ROPN1L: variants seen among roughly 807,000 people sequenced by gnomAD.
ROPN1L encodes ropporin-1-like protein.
In ROPN1L, 23 loss-of-function variants were observed where a neutral mutation model predicts 22.7. The observed-to-expected ratio is 1.01, with a 90% CI of 0.73 to 1.43. ROPN1L has a LOEUF of 1.43. ROPN1L is among the 40% of genes most tolerant of loss of function. The pLI is 0.00. For synonymous variants in ROPN1L, 116 were observed against 117.8 expected (o/e 0.98, Z 0.10); for missense variants, 271 against 291.5 (o/e 0.93, Z 0.51).
At chr5:10,478,600 G>A in the ROPN1L span, among the ~76,000 whole-genome samples, 6 of 152,202 alleles carry the variant, frequency 3.9e-5, no homozygotes, top group Non-Finnish European at 5.9e-5. Context: ...TTCTCTGTGC[G>A]TACGACTGTG....
the ROPN1L span, among the ~76,000 whole-genome samples, chr5:10,480,264 A>G: frequency 6.6e-6 from 1 of 152,156 alleles, no homozygotes; most frequent in Non-Finnish European, 1.5e-5. Flanking sequence ...TTTTTTCATT[A>G]ATTCGAAAAG....
intron 1 of ROPN1L, among the ~76,000 whole-genome samples, chr5:10,444,608 G>A (rs1046762408): frequency 2.0e-5 from 3 of 151,722 alleles, no homozygotes; most frequent in African/African-American, 7.3e-5. Context: ...CACTTTAAGA[G>A]GCTTAATCAG....
At chr5:10,464,430 G>A (rs899673745) in intron 4 of ROPN1L, among the ~76,000 whole-genome samples, 5 of 152,226 alleles carry the variant, frequency 3.3e-5, no homozygotes, top group South Asian at 2.1e-4. Flanking sequence ...CCCGATCCGC[G>A]CACCTCTTCT....
chr5:10,466,627 C>A (rs1415619274), downstream of ROPN1L, among the ~76,000 whole-genome samples: 2 of 152,080 alleles, frequency 1.3e-5, no homozygotes, highest in Non-Finnish European at 2.9e-5. Context: ...AGTGTGGAGA[C>A]GCGCGGCAGC....
At chr5:10,458,901 A>G (rs1193554714) in intron 3 of ROPN1L, among the ~76,000 whole-genome samples, 15 of 45,554 alleles carry the variant, frequency 3.3e-4, no homozygotes, top group African/African-American at 1.3e-3. Flanking sequence ...CGTGTACACC[A>G]TCCGCCTGTA....
downstream of ROPN1L, among the ~76,000 whole-genome samples, chr5:10,465,514 C>CAAA (rs149350040): frequency 4.4e-5 from 6 of 137,260 alleles, no homozygotes; most frequent in African/African-American, 1.1e-4. Flanking sequence ...GACTCCGTCT[C>CAAA]AAAAAAAAAC....
chr5:10,454,734 G>A (rs368387273), intron 3 of ROPN1L, among the ~76,000 whole-genome samples: 4 of 152,210 alleles, frequency 2.6e-5, no homozygotes, highest in Non-Finnish European at 4.4e-5. Flanking sequence ...CACGGTGCAC[G>A]CAGTGGGCAT....
At chr5:10,458,955 C>G (rs1369078145) in intron 3 of ROPN1L, among the ~76,000 whole-genome samples, 4 of 131,032 alleles carry the variant, frequency 3.1e-5, no homozygotes, top group Non-Finnish European at 5.0e-5. Flanking sequence ...CCGTGTACAC[C>G]ACCCCACCTG....
chr5:10,471,711 T>G (rs1326577422), intron 4 of ROPN1L: 1 of 152,366 alleles, frequency 6.6e-6, no homozygotes, highest in Non-Finnish European at 1.5e-5. Flanking sequence ...AGCTGTGGCT[T>G]TAGTACAGGG....
chr5:10,447,497 G>A (rs1305970125), intron 1 of ROPN1L, among the ~76,000 whole-genome samples: 3 of 152,226 alleles, frequency 2.0e-5, no homozygotes, highest in Non-Finnish European at 4.4e-5. Context: ...TGACCTGTGT[G>A]TTCCTGGGCT....
chr5:10,445,880 A>C (rs925483372), intron 1 of ROPN1L, among the ~76,000 whole-genome samples: 1 of 152,226 alleles, frequency 6.6e-6, no homozygotes, highest in East Asian at 1.9e-4. Flanking sequence ...CCATGTTCAC[A>C]ACACTCTACT....
chr5:10,469,196 G>T (rs191215723), downstream of ROPN1L, among the ~76,000 whole-genome samples: 1 of 151,864 alleles, frequency 6.6e-6, no homozygotes, highest in Admixed American at 6.6e-5. Flanking sequence ...TGGAGCGTTT[G>T]CTGGCACTGT....
chr5:10,478,645 G>A, the ROPN1L span, among the ~76,000 whole-genome samples: 1 of 152,076 alleles, frequency 6.6e-6, no homozygotes. Flanking sequence ...GCAGTCGTTG[G>A]ATTTAGAGCT....
intron 3 of ROPN1L, among the ~76,000 whole-genome samples, chr5:10,455,900 C>G (rs1443361825): frequency 2.0e-5 from 3 of 152,252 alleles, no homozygotes; most frequent in African/African-American, 7.2e-5. Context: ...CCAGTCTCTA[C>G]CCCCAGCACA....
chr5:10,464,723 A>G, intron 4 of ROPN1L, 125 bp from the exon 5 acceptor site: 1 of 558,050 alleles, frequency 1.8e-6, no homozygotes, highest in Admixed American at 3.6e-5. Context: ...AGTAAGAATT[A>G]CTGATGAGCA....
intron 3 of ROPN1L, among the ~76,000 whole-genome samples, chr5:10,453,644 C>T (rs1741324528): frequency 6.6e-6 from 1 of 152,210 alleles, no homozygotes; most frequent in Non-Finnish European, 1.5e-5. Flanking sequence ...GATGTCGTTC[C>T]TGCTCCCTGC....
At chr5:10,477,733 C>T in the ROPN1L span, among the ~76,000 whole-genome samples, 8 of 152,084 alleles carry the variant, frequency 5.3e-5, no homozygotes, top group Non-Finnish European at 7.4e-5. Context: ...AGTTCAAGAC[C>T]AGCCTGGGCA....
At chr5:10,468,784 A>G (rs538466205), downstream of ROPN1L, among the ~76,000 whole-genome samples, 1 of 152,338 alleles carries the variant, frequency 6.6e-6, no homozygotes, top group Admixed American at 6.5e-5. Flanking sequence ...GAGATTTGCT[A>G]TCACGTGGAG....
At chr5:10,473,504 G>A (rs562652504), downstream of ROPN1L, among the ~76,000 whole-genome samples, 12 of 152,266 alleles carry the variant, frequency 7.9e-5, no homozygotes, top group South Asian at 2.5e-3. Context: ...AGGGAGCAGG[G>A]TCCTGCCGAT....
Sources: gnomAD v4.1 joint callset for allele counts (sites outside exome capture counted in the v4.1 genomes callset) on GRCh38, gnomAD v4.1.1 for gene constraint, MANE v1.5 for transcripts, NCBI Gene and HGNC (gene_info 2026-07-23, HGNC 2026-07-21) for gene names.